Variants in EML1 observed in about 807,000 individuals in gnomAD.
EML1 encodes echinoderm microtubule-associated protein-like 1.
Under a neutral mutation model 110.4 loss-of-function variants are expected in EML1, and 27 were observed. That is an observed-to-expected ratio of 0.24 (90% confidence interval 0.18 to 0.34). EML1 has a LOEUF of 0.34. Ranked by LOEUF, EML1 falls within the 10% of genes least tolerant of loss-of-function variation. The pLI, the probability that EML1 is intolerant of heterozygous loss-of-function variation, is 1.00. For synonymous variants in EML1, 344 were observed against 385.8 expected (o/e 0.89, Z 1.27); for missense variants, 741 against 1,030.9 (o/e 0.72, Z 3.85).
chr14:99,802,052 G>A (rs2139685990), intron 1 of EML1, among the ~76,000 whole-genome samples: 1 of 152,236 alleles, frequency 6.6e-6, no homozygotes, highest in South Asian at 2.1e-4. Context: ...AGCACTGGGG[G>A]GCATGTATCA....
intron 1 of EML1, among the ~76,000 whole-genome samples, chr14:99,764,152 C>T (rs1439186977): frequency 6.6e-6 from 1 of 152,188 alleles, no homozygotes; most frequent in Non-Finnish European, 1.5e-5. Context: ...CCTTTCACTG[C>T]CCTCTCTGTG....
upstream of EML1, among the ~76,000 whole-genome samples, chr14:99,770,779 ATTT>A (rs34744469): frequency 8.7e-5 from 8 of 91,636 alleles, no homozygotes; most frequent in African/African-American, 3.1e-4. Context: ...GTTTCCGCTG[ATTT>A]TTTTTTTTTT....
chr14:99,895,964 C>T (rs1191097), intron 6 of EML1, among the ~76,000 whole-genome samples: 46,191 of 151,852 alleles, frequency 0.3, 7,982 homozygotes, highest in South Asian at 0.49. Flanking sequence ...ATATAACTAA[C>T]GTTCTTGAAA....
chr14:99,932,896 G>C (rs1330945845), intron 17 of EML1, among the ~76,000 whole-genome samples: 1 of 152,032 alleles, frequency 6.6e-6, no homozygotes, highest in Non-Finnish European at 1.5e-5. Flanking sequence ...AGGATGTTTT[G>C]CTTGAGCACA....
intron 7 of EML1, among the ~76,000 whole-genome samples, chr14:99,897,625 A>G (rs1170983282): frequency 6.6e-6 from 1 of 152,158 alleles, no homozygotes; most frequent in Non-Finnish European, 1.5e-5. Context: ...CATGAGCTTC[A>G]CGGACCACAT....
chr14:99,865,402 C>G (rs1478758945), intron 2 of EML1, 112 bp from the exon 3 acceptor site: 18 of 1,375,672 alleles, frequency 1.3e-5, no homozygotes, highest in Non-Finnish European at 1.8e-5. Flanking sequence ...CACTGCTCAC[C>G]TCCTCCTGCT....
chr14:99,753,104 A>G (rs2057195425), intron 1 of EML1, among the ~76,000 whole-genome samples: 1 of 151,624 alleles, frequency 6.6e-6, no homozygotes, highest in Non-Finnish European at 1.5e-5. Context: ...TGGGCAGGAC[A>G]CATGTGGAGG....
At chr14:99,814,534 A>G (rs10083477) in intron 1 of EML1, among the ~76,000 whole-genome samples, 60,142 of 151,994 alleles carry the variant, frequency 0.4, 12,602 homozygotes, top group South Asian at 0.57. Context: ...CGAAGTGCTG[A>G]GGTTACAGAC....
chr14:99,909,123 G>A (rs1289779424), intron 10 of EML1, among the ~76,000 whole-genome samples: 1 of 152,198 alleles, frequency 6.6e-6, no homozygotes, highest in African/African-American at 2.4e-5. Flanking sequence ...GTCCTCAAGG[G>A]CTCATTGTCC....
upstream of EML1, among the ~76,000 whole-genome samples, chr14:99,788,523 C>T (rs183588735): frequency 1.3e-5 from 2 of 152,164 alleles, no homozygotes; most frequent in African/African-American, 4.8e-5. Flanking sequence ...GAGGGAGGAT[C>T]GTTTGAGCCC....
At chr14:99,816,445 G>A (rs1416413859) in intron 1 of EML1, among the ~76,000 whole-genome samples, 1 of 152,214 alleles carries the variant, frequency 6.6e-6, no homozygotes, top group Non-Finnish European at 1.5e-5. Context: ...TTATAGGCGT[G>A]AGCCACCGCA....
In EML1 at chr14:99,827,014, C is replaced by T. The variant is rs541056891; in HGVS notation, c.68-23839C>T. ...TTCATTCAGCGCCAGATTTTGTACA[C>T]GTACTAAGTGCTGAATAAATACAGC... On this transcript the variant is annotated intron_variant, in intron 1 of 21. Transcript: ENST00000262233. This position sits in a 1 kb window ranked among gnomAD's most constrained non-coding sequence, Gnocchi z 4.4. Among the ~76,000 whole-genome samples the T allele has an allele frequency of 5.9e-5, 9 of 151,946 alleles. No individual in the cohort carries two copies. In the East Asian group the frequency reaches 1.2e-3, roughly 20 times the overall value.
At chr14:99,855,502 A>AT (rs1255801588) in intron 2 of EML1, among the ~76,000 whole-genome samples, 7 of 152,256 alleles carry the variant, frequency 4.6e-5, no homozygotes, top group African/African-American at 1.7e-4. Context: ...CACACAGCTG[A>AT]TTTTCATTTT....
Position 99,898,522 on chromosome 14 carries a change from C to T in EML1, c.897+220C>T, listed in dbSNP as rs577375972. Reference sequence around the variant, plus strand: ...ATCCCAGCACTTTGGGATGCCAAGGCAGGCTGGATCTCTTGAGGTCAGAAG... The same window carrying T: ...ATCCCAGCACTTTGGGATGCCAAGGTAGGCTGGATCTCTTGAGGTCAGAAG... On this transcript the variant is annotated intron_variant, in intron 8 of 21. Transcript: ENST00000262233. Among the ~76,000 whole-genome samples the T allele has an allele frequency of 2.0e-5, 3 of 152,244 alleles. No homozygotes were observed. In the East Asian group the frequency reaches 5.8e-4, roughly 29 times the overall value.
chr14:99,849,682 G>A (rs1269989974), intron 1 of EML1, among the ~76,000 whole-genome samples: 1 of 151,556 alleles, frequency 6.6e-6, no homozygotes, highest in African/African-American at 2.4e-5. Flanking sequence ...CAAGTAGCTG[G>A]GACTATAGAC....
At chr14:99,878,195 T>C (rs1207061518) in intron 3 of EML1, among the ~76,000 whole-genome samples, 1 of 152,120 alleles carries the variant, frequency 6.6e-6, no homozygotes, top group Non-Finnish European at 1.5e-5. Flanking sequence ...AAGGGCAGGA[T>C]TGCTTCCCTG....
intron 1 of EML1, among the ~76,000 whole-genome samples, chr14:99,747,037 T>C (rs985099727): frequency 6.7e-6 from 1 of 150,084 alleles, no homozygotes; most frequent in Admixed American, 6.6e-5. Flanking sequence ...ACTAAGGAGG[T>C]AGAAAAACAA....
chr14:99,925,436 G>A (rs1274829867), intron 17 of EML1, among the ~76,000 whole-genome samples: 1 of 151,828 alleles, frequency 6.6e-6, no homozygotes, highest in Non-Finnish European at 1.5e-5. Context: ...ATTTTTTTTA[G>A]AGACAGGGTA....
intron 3 of EML1, among the ~76,000 whole-genome samples, chr14:99,866,154 A>G (rs2059094464): frequency 1.3e-5 from 2 of 152,208 alleles, no homozygotes; most frequent in African/African-American, 2.4e-5. Context: ...AGATTTTTAT[A>G]TTTTAGGGCC....
Sources: allele counts gnomAD v4.1 joint callset (sites outside exome capture counted in the v4.1 genomes callset), GRCh38; gene constraint gnomAD v4.1.1; non-coding constraint Gnocchi (gnomAD v3.1); transcripts MANE v1.5; gene names NCBI Gene and HGNC (gene_info 2026-07-23, HGNC 2026-07-21).